Variants in GPC6 observed in about 807,000 individuals in gnomAD.
GPC6 encodes the protein glypican-6.
GPC6 carries 14 observed loss-of-function variants against 55.2 expected under a neutral mutation model. That is an observed-to-expected ratio of 0.25 (90% CI 0.17 to 0.40). The LOEUF is 0.40. GPC6 is among the 10% of genes least tolerant of loss of function. The pLI is 1.00. For synonymous variants in GPC6, 278 were observed against 259.6 expected, an observed-to-expected ratio of 1.07 and a Z score of -0.68; for missense variants, 641 against 708.5, an observed-to-expected ratio of 0.90 and a Z score of 1.08.
chr13:94,286,612 C>A, intron 5 of GPC6, 133 bp downstream of exon 5: 2 of 781,652 alleles, frequency 2.6e-6, no homozygotes, highest in South Asian at 1.8e-5. Context: ...TCCTGTTGAG[C>A]CACAAATTTG....
At chr13:93,636,959 G>A (rs1415989930) in intron 2 of GPC6, among the ~76,000 whole-genome samples, 4 of 150,820 alleles carry the variant, frequency 2.7e-5, no homozygotes, top group Non-Finnish European at 5.9e-5. Flanking sequence ...CCTCTTAGTG[G>A]AGCACATTTT....
intron 2 of GPC6, among the ~76,000 whole-genome samples, chr13:93,787,839 A>G (rs1885862625): frequency 6.6e-6 from 1 of 152,170 alleles, no homozygotes; most frequent in African/African-American, 2.4e-5. Flanking sequence ...ATCTTTTAGC[A>G]TGTTGAATTA....
At chr13:93,231,773 C>T (rs1279415558) in intron 1 of GPC6, among the ~76,000 whole-genome samples, 2 of 151,840 alleles carry the variant, frequency 1.3e-5, no homozygotes, top group South Asian at 2.1e-4. Context: ...GGAGTAAGAA[C>T]ATTTATCTCC....
At chr13:93,687,346 G>T (rs569017169) in intron 2 of GPC6, among the ~76,000 whole-genome samples, 4 of 152,152 alleles carry the variant, frequency 2.6e-5, no homozygotes, top group African/African-American at 7.2e-5. Flanking sequence ...TGCAGTTGTT[G>T]CCTTTAAAAG....
chr13:93,522,661 A>C (rs925081194), intron 1 of GPC6, among the ~76,000 whole-genome samples: 36 of 151,882 alleles, frequency 2.4e-4, no homozygotes, highest in African/African-American at 7.2e-4. Context: ...GAGCTAAGTC[A>C]TCAAAGACAA....
chr13:94,167,272 G>T (rs1017916868), intron 4 of GPC6, among the ~76,000 whole-genome samples: 17 of 152,196 alleles, frequency 1.1e-4, no homozygotes, highest in African/African-American at 4.1e-4. Context: ...CTGTTCTTGT[G>T]TAGTCATAAC....
chr13:93,236,154 G>A (rs7326297), intron 1 of GPC6, among the ~76,000 whole-genome samples: 39,267 of 152,120 alleles, frequency 0.26, 5,172 homozygotes, highest in African/African-American at 0.32. Context: ...AAAGGATATG[G>A]TCTTTCAGCT....
chr13:94,292,996 A>AC (rs1392752589), intron 5 of GPC6, among the ~76,000 whole-genome samples: 1 of 152,178 alleles, frequency 6.6e-6, no homozygotes, highest in Non-Finnish European at 1.5e-5. Flanking sequence ...CATGACGCTC[A>AC]TTTCAAACTG....
chr13:94,091,120 C>T (rs182927092), intron 4 of GPC6, among the ~76,000 whole-genome samples: 2 of 152,138 alleles, frequency 1.3e-5, no homozygotes, highest in Admixed American at 1.3e-4. Flanking sequence ...CTATGAAATA[C>T]TGAACAAGAA....
intron 2 of GPC6, among the ~76,000 whole-genome samples, chr13:93,570,476 A>G (rs1876347750): frequency 1.3e-5 from 2 of 152,174 alleles, no homozygotes; most frequent in African/African-American, 4.8e-5. Flanking sequence ...ACAAAAGGCA[A>G]TGCTAATGGC....
chr13:94,256,994 G>T (rs1442090048), intron 4 of GPC6, among the ~76,000 whole-genome samples: 7 of 152,108 alleles, frequency 4.6e-5, no homozygotes, highest in Admixed American at 4.6e-4. Context: ...AGTGTTTTAG[G>T]CTTTCTTTTC....
chr13:93,865,679 GAT>G (rs897606453), intron 3 of GPC6, among the ~76,000 whole-genome samples: 5 of 151,624 alleles, frequency 3.3e-5, no homozygotes, highest in African/African-American at 1.2e-4. Context: ...TGATAATAAA[GAT>G]ATTGATTCTC....
chr13:94,083,488 T>C (rs1344175936), intron 4 of GPC6, among the ~76,000 whole-genome samples: 1 of 152,202 alleles, frequency 6.6e-6, no homozygotes. Context: ...TTATTCTCTG[T>C]CCCATTCCCA....
intron 2 of GPC6, among the ~76,000 whole-genome samples, chr13:93,726,103 T>TACACACAC (rs71811304): frequency 0.018 from 2,331 of 126,816 alleles, 42 homozygotes; most frequent in Middle Eastern, 0.051. Context: ...TTTTCCTTCA[T>TACACACAC]ACACACACAC....
At chr13:93,707,464 T>C (rs1183487635) in intron 2 of GPC6, among the ~76,000 whole-genome samples, 1 of 151,642 alleles carries the variant, frequency 6.6e-6, no homozygotes, top group Non-Finnish European at 1.5e-5. Context: ...TCAAGAAAAA[T>C]TGGATGGTAG....
chr13:94,209,870 GGGTCCTGCTCT>G (rs1423674976), intron 4 of GPC6, among the ~76,000 whole-genome samples: 1 of 151,562 alleles, frequency 6.6e-6, no homozygotes, highest in Non-Finnish European at 1.5e-5. Context: ...TACTGAGAAG[GGGTCCTGCTCT>G]GTCAACCAGG....
intron 3 of GPC6, among the ~76,000 whole-genome samples, chr13:93,881,351 C>T (rs1382501512): frequency 5.3e-5 from 8 of 152,190 alleles, no homozygotes; most frequent in Admixed American, 2.0e-4. Context: ...GACTTGCAGA[C>T]GTAATGAGTA....
chr13:93,746,996 T>G (rs1884420164), intron 2 of GPC6, among the ~76,000 whole-genome samples: 1 of 152,182 alleles, frequency 6.6e-6, no homozygotes, highest in Non-Finnish European at 1.5e-5. Flanking sequence ...TTAATAAATA[T>G]TCTGCTATTA....
At chr13:93,845,918 G>T (rs1480452341) in intron 3 of GPC6, among the ~76,000 whole-genome samples, 1 of 151,106 alleles carries the variant, frequency 6.6e-6, no homozygotes, top group Non-Finnish European at 1.5e-5. Context: ...CACCAGCATG[G>T]CACATGTATA....
Sources: allele counts gnomAD v4.1 joint callset (sites outside exome capture counted in the v4.1 genomes callset), GRCh38; gene constraint gnomAD v4.1.1; transcripts MANE v1.5; gene names NCBI Gene and HGNC (gene_info 2026-07-23, HGNC 2026-07-21).